RIMS2: variants seen among roughly 807,000 people sequenced by gnomAD.
RIMS2 encodes the protein regulating synaptic membrane exocytosis 2.
RIMS2 carries 59 observed loss-of-function variants against 174.4 expected under a neutral mutation model. The ratio of observed to expected loss-of-function variants is 0.34; its 90% CI spans 0.27 to 0.42. The LOEUF is 0.42. Among genes scored for constraint, RIMS2 ranks in the 10% least tolerant of loss-of-function variants. The pLI, the probability that RIMS2 is intolerant of heterozygous loss-of-function variation, is 1.00. For missense variants in RIMS2, 1,620 were observed against 1,666.3 expected (o/e 0.97, Z 0.48); for synonymous variants, 606 against 572.5 (o/e 1.06, Z -0.84).
intron 4 of RIMS2, among the ~76,000 whole-genome samples, chr8:103,902,330 C>T (rs2073322883): frequency 6.6e-6 from 1 of 152,098 alleles, no homozygotes. Flanking sequence ...TCTTATGAAA[C>T]TTAACAGTGT....
chr8:103,575,019 C>T (rs1446202402), intron 1 of RIMS2, among the ~76,000 whole-genome samples: 1 of 152,052 alleles, frequency 6.6e-6, no homozygotes. Context: ...AGAATGTGTC[C>T]CTTTTTACTA....
intron 17 of RIMS2, among the ~76,000 whole-genome samples, chr8:103,998,721 G>A (rs540967627): frequency 7.3e-5 from 11 of 151,692 alleles, no homozygotes; most frequent in African/African-American, 2.7e-4. Context: ...GTCAGAGGTG[G>A]CTGTAATCTA....
intron 19 of RIMS2, among the ~76,000 whole-genome samples, chr8:104,081,522 T>C (rs2097420506): frequency 6.6e-6 from 1 of 152,022 alleles, no homozygotes; most frequent in Admixed American, 6.6e-5. Context: ...AAATCTTTAT[T>C]TTAAGCATAT....
chr8:103,600,319 G>C (rs1468079640), intron 1 of RIMS2, among the ~76,000 whole-genome samples: 2 of 151,084 alleles, frequency 1.3e-5, no homozygotes, highest in Admixed American at 1.3e-4. Flanking sequence ...ACCCAGGCTG[G>C]AGTGCAGTGG....
chr8:103,701,320 T>G (rs751835403), intron 2 of RIMS2, among the ~76,000 whole-genome samples: 2 of 152,160 alleles, frequency 1.3e-5, no homozygotes, highest in Non-Finnish European at 2.9e-5. Flanking sequence ...GTCGTACATA[T>G]TAATGTGGTA....
At chr8:104,049,986 T>C (rs2096759490) in intron 19 of RIMS2, among the ~76,000 whole-genome samples, 1 of 152,192 alleles carries the variant, frequency 6.6e-6, no homozygotes, top group African/African-American at 2.4e-5. Context: ...CAGGTGTTAG[T>C]AGTGAATATA....
At chr8:103,683,228 G>A (rs562138069) in intron 1 of RIMS2, among the ~76,000 whole-genome samples, 1 of 152,172 alleles carries the variant, frequency 6.6e-6, no homozygotes, top group Non-Finnish European at 1.5e-5. Flanking sequence ...ACTGGCATCC[G>A]CTTGGCTTCT....
At chr8:103,570,507 GA>G (rs2092726038) in intron 1 of RIMS2, among the ~76,000 whole-genome samples, 1 of 151,912 alleles carries the variant, frequency 6.6e-6, no homozygotes, top group African/African-American at 2.4e-5. Context: ...ACTTTTCCAG[GA>G]AAAAATTTTT....
chr8:103,507,268 T>C (rs1824130635), intron 1 of RIMS2, among the ~76,000 whole-genome samples: 1 of 152,118 alleles, frequency 6.6e-6, no homozygotes, highest in Admixed American at 6.5e-5. Context: ...CATTATTCTT[T>C]ATAACAATAC....
chr8:104,227,483 A>G (rs1050008013), intron 19 of RIMS2, among the ~76,000 whole-genome samples: 2 of 152,180 alleles, frequency 1.3e-5, no homozygotes, highest in Non-Finnish European at 2.9e-5. Flanking sequence ...AGACAATTAT[A>G]GGAAAGAAGG....
chr8:104,073,323 CACAAGCT>C (rs2097227817), intron 19 of RIMS2, among the ~76,000 whole-genome samples: 2 of 152,058 alleles, frequency 1.3e-5, no homozygotes, highest in South Asian at 4.2e-4. Context: ...TAAATGTTCC[CACAAGCT>C]ATATATTGCT....
intron 12 of RIMS2, among the ~76,000 whole-genome samples, chr8:103,932,474 G>A (rs1415707321): frequency 3.3e-5 from 5 of 152,162 alleles, no homozygotes; most frequent in Non-Finnish European, 7.4e-5. Context: ...ATTAGAAACT[G>A]TTTGCTATAT....
intron 2 of RIMS2, among the ~76,000 whole-genome samples, chr8:103,740,455 G>A (rs1175644894): frequency 6.6e-6 from 1 of 152,128 alleles, no homozygotes; most frequent in Non-Finnish European, 1.5e-5. Context: ...GACTTGCTCA[G>A]AAAATATTGT....
chr8:104,016,825 C>G (rs989699897), intron 19 of RIMS2, among the ~76,000 whole-genome samples: 2 of 151,914 alleles, frequency 1.3e-5, no homozygotes, highest in African/African-American at 4.8e-5. Context: ...GAAAACAGAG[C>G]CTATTGGTAA....
intron 19 of RIMS2, among the ~76,000 whole-genome samples, chr8:104,081,377 G>A (rs10113583): frequency 0.24 from 35,863 of 151,790 alleles, 4,533 homozygotes; most frequent in African/African-American, 0.33. Flanking sequence ...TAGTTAATAT[G>A]ATATTATTGT....
chr8:104,127,673 A>G lies in RIMS2; in HGVS notation c.3334+113058A>G, dbSNP rs112232809. ...TCCTCATTGGATTGTTTGAGGATTA[A>G]GTTAAAACTAGCAAAGCACTTACAA... On this transcript the variant is annotated intron_variant, in intron 19 of 23. Transcript: ENST00000504942. Among the ~76,000 whole-genome samples, 704 of 152,302 alleles carry G rather than the reference A, an allele frequency of 4.6e-3. 7 individuals carry two copies. Among genetic ancestry groups the G allele is most frequent in the African/African-American group, 0.015 (634 of 41,564 alleles).
At chr8:103,837,361 C>G (rs1359139199) in intron 3 of RIMS2, among the ~76,000 whole-genome samples, 2 of 152,192 alleles carry the variant, frequency 1.3e-5, no homozygotes, top group African/African-American at 4.8e-5. Flanking sequence ...GGGGACAGCT[C>G]TCAGCTTCTA....
intron 19 of RIMS2, among the ~76,000 whole-genome samples, chr8:104,168,984 C>T (rs2098814600): frequency 6.6e-6 from 1 of 151,840 alleles, no homozygotes; most frequent in Non-Finnish European, 1.5e-5. Context: ...TCCCTGCATC[C>T]CCGTTATGAA....
rs193183729 is a variant in RIMS2 at position 103,609,020 on chromosome 8, C to A, written c.177-88066C>A. 4.6e-5 allele frequency among the ~76,000 whole-genome samples: 7 copies of A among 152,124 alleles called. No homozygotes were observed. The East Asian group carries it at 1.4e-3, about 29-fold the overall frequency. On this transcript the variant is annotated intron_variant, in intron 1 of 23. Coordinates refer to ENST00000504942, the Ensembl canonical transcript of RIMS2. ...TTCGGCCATCTTGGCTCCTCCCTCC[C>A]ATTTTTTGACTTTTTAATAATATCT...
Sources: gnomAD v4.1 joint callset for allele counts (sites outside exome capture counted in the v4.1 genomes callset) on GRCh38, gnomAD v4.1.1 for gene constraint, MANE v1.5 for transcripts, NCBI Gene and HGNC (gene_info 2026-07-23, HGNC 2026-07-21) for gene names.